The following SCML4 variants were observed in gnomAD, a reference collection of about 807,000 sequenced individuals.
SCML4 encodes the protein Scm polycomb group protein like 4.
In SCML4, 34 loss-of-function variants were observed where a neutral mutation model predicts 41.1. The ratio of observed to expected loss-of-function variants is 0.83; its 90% CI spans 0.63 to 1.10. The LOEUF is 1.10. Ranked by LOEUF, SCML4 falls within the 50% of genes least tolerant of loss-of-function variation. The pLI is 0.00. For synonymous variants in SCML4, 214 were observed against 220.9 expected (o/e 0.97, Z 0.28); for missense variants, 522 against 534.1 (o/e 0.98, Z 0.22).
chr6:107,705,584 T>G (rs971736399), intron 7 of SCML4, among the ~76,000 whole-genome samples: 1 of 152,160 alleles, frequency 6.6e-6, no homozygotes, highest in Non-Finnish European at 1.5e-5. Flanking sequence ...ATAGAAGGAA[T>G]CAAACACAAC....
At chr6:107,705,855 C>T (rs1583352313) in intron 7 of SCML4, among the ~76,000 whole-genome samples, 1 of 152,108 alleles carries the variant, frequency 6.6e-6, no homozygotes, top group Admixed American at 6.5e-5. Context: ...TAAAGAATGC[C>T]CCTGCTTCAT....
At position 107,703,098 on chromosome 6, in the gene SCML4, AG is replaced by A. The variant is rs551139329; in HGVS notation, c.*2101del. Among the ~76,000 whole-genome samples, 129 of 152,308 alleles carry A rather than the reference AG, an allele frequency of 8.5e-4. 2 individuals carry two copies. The highest frequency in any genetic ancestry group is 5.9e-3 in the Admixed American group (90 of 15,302). ...AGGAAGTTACCCTATATGATCTAAA[AG>A]GGGGAGGCATGAATAATCCACCCCT... On this transcript the variant is annotated 3_prime_UTR_variant, in exon 8 of 8. Coordinates refer to ENST00000369020, the MANE Select transcript of SCML4 (RefSeq NM_198081.5).
chr6:107,744,834 G>A (rs1456183252), intron 5 of SCML4, 115 bp downstream of exon 5: 2 of 871,226 alleles, frequency 2.3e-6, no homozygotes, highest in Non-Finnish European at 3.5e-6. Flanking sequence ...GCAGCCCATG[G>A]GGCTCCAGTG....
At position 107,755,103 on chromosome 6, in the gene SCML4, CA is replaced by C. The variant is rs543375610; in HGVS notation, c.157-5291del. On this transcript the variant is annotated intron_variant, in intron 2 of 7. Coordinates refer to ENST00000369020, the MANE Select transcript of SCML4 (RefSeq NM_198081.5). ...TGGGCAACAGAGACAGACCCTGTCT[CA>C]AAAAAAAAAAAAATTACTAGAGAGG... 4.8e-3 allele frequency among the ~76,000 whole-genome samples: 645 copies of C among 134,508 alleles called. 1 individual carries two copies. The highest frequency in any genetic ancestry group is 7.5e-3 in the Middle Eastern group (2 of 266). 88.2% of individuals were successfully genotyped at this position (134,508 alleles called of 152,430 possible).
At chr6:107,836,579 G>A in the SCML4 span, among the ~76,000 whole-genome samples, 1 of 152,152 alleles carries the variant, frequency 6.6e-6, no homozygotes, top group Non-Finnish European at 1.5e-5. Flanking sequence ...ACAGCATACA[G>A]AATTGTTCAC....
chr6:107,826,955 T>C (rs9480804), upstream of SCML4, among the ~76,000 whole-genome samples: 1,976 of 151,874 alleles, frequency 0.013, 29 homozygotes, highest in African/African-American at 0.045. Flanking sequence ...CCCAGCTACT[T>C]GGGAGGCTGA....
chr6:107,733,726 T>C (rs1455121491), intron 5 of SCML4, among the ~76,000 whole-genome samples: 1 of 152,218 alleles, frequency 6.6e-6, no homozygotes, highest in Non-Finnish European at 1.5e-5. Context: ...CCCTGTCCCT[T>C]TGTTTCCACC....
At chr6:107,823,238 A>G (rs1785076851) in intron 1 of SCML4, among the ~76,000 whole-genome samples, 2 of 152,216 alleles carry the variant, frequency 1.3e-5, no homozygotes, top group Non-Finnish European at 2.9e-5. Flanking sequence ...ATCTAGAGAC[A>G]ACACGAGGAG....
chr6:107,738,477 C>A (rs951048942), intron 5 of SCML4, among the ~76,000 whole-genome samples: 3 of 151,848 alleles, frequency 2.0e-5, no homozygotes, highest in Admixed American at 6.6e-5. Context: ...AAAAATTAGC[C>A]AGGTGTGGTG....
chr6:107,761,973 T>C (rs1026272532), intron 2 of SCML4, among the ~76,000 whole-genome samples: 3 of 152,022 alleles, frequency 2.0e-5, no homozygotes, highest in African/African-American at 7.2e-5. Flanking sequence ...ATGAAGAATT[T>C]TTTAGAGGTG....
chr6:107,709,481 T>G (rs1583365976), intron 6 of SCML4, among the ~76,000 whole-genome samples: 2 of 152,160 alleles, frequency 1.3e-5, no homozygotes, highest in South Asian at 4.1e-4. Context: ...CTTCCCCACA[T>G]CCCTGCTCTC....
upstream of SCML4, among the ~76,000 whole-genome samples, chr6:107,825,649 A>T (rs1311093378): frequency 1.3e-5 from 2 of 152,192 alleles, no homozygotes; most frequent in African/African-American, 4.8e-5. Context: ...AAAAGAAAAT[A>T]AGATGGATGG....
intron 2 of SCML4, among the ~76,000 whole-genome samples, chr6:107,754,716 C>CGAT (rs1259609549): frequency 6.6e-6 from 1 of 152,100 alleles, no homozygotes; most frequent in Non-Finnish European, 1.5e-5. Context: ...AGAAAAATGA[C>CGAT]GATGATGATG....
intron 6 of SCML4, chr6:107,719,318 G>T (rs546765542): frequency 6.6e-6 from 1 of 152,596 alleles, no homozygotes; most frequent in East Asian, 1.9e-4. Flanking sequence ...TTGGCCAGGG[G>T]AAGCTGGTCA....
In SCML4 at chr6:107,756,319, T is replaced by G. The variant is rs138596195; in HGVS notation, c.157-6506A>C. 4.1e-3 allele frequency among the ~76,000 whole-genome samples: 626 copies of G among 152,326 alleles called. 2 individuals carry two copies. The highest frequency in any genetic ancestry group is 7.4e-3 in the Non-Finnish European group (501 of 68,038). ...ATGTCACTAGCATGTACTCTCACCA[T>G]ATGATGAAAATGCCACGTCACCTCT... On this transcript the variant is annotated intron_variant, in intron 2 of 7. Transcript: ENST00000369020.
At chr6:107,774,386 A>G (rs1023439080) in intron 1 of SCML4, among the ~76,000 whole-genome samples, 1 of 152,094 alleles carries the variant, frequency 6.6e-6, no homozygotes, top group African/African-American at 2.4e-5. Flanking sequence ...AGGATGAGGG[A>G]CTATAAGCTC....
chr6:107,772,528 C>T (rs1427622879), intron 1 of SCML4, 142 bp from the exon 2 acceptor site: 17 of 528,472 alleles, frequency 3.2e-5, no homozygotes, highest in Middle Eastern at 4.9e-4. Context: ...AGCTAGGTAC[C>T]ACTAGATGCA....
intron 5 of SCML4, among the ~76,000 whole-genome samples, chr6:107,730,630 T>C (rs912412671): frequency 3.3e-5 from 5 of 152,172 alleles, no homozygotes; most frequent in African/African-American, 1.2e-4. Flanking sequence ...CATGCTTAAA[T>C]AGAAAGGAAA....
intron 1 of SCML4, among the ~76,000 whole-genome samples, chr6:107,799,678 C>T (rs901103399): frequency 2.6e-5 from 4 of 151,882 alleles, no homozygotes; most frequent in Non-Finnish European, 5.9e-5. Context: ...TTCTTTTCAT[C>T]TCTGCTTTTT....
Sources: gnomAD v4.1 joint callset for allele counts (sites outside exome capture counted in the v4.1 genomes callset) on GRCh38, gnomAD v4.1.1 for gene constraint, MANE v1.5 for transcripts, NCBI Gene and HGNC (gene_info 2026-07-23, HGNC 2026-07-21) for gene names.